The following EYA1 variants were observed in gnomAD, a reference collection of about 807,000 sequenced individuals.
EYA1 encodes the protein EYA transcriptional coactivator and phosphatase 1.
EYA1 carries 16 observed loss-of-function variants against 82.0 expected under a neutral mutation model. That is an observed-to-expected ratio of 0.20 (90% CI 0.13 to 0.30). The LOEUF is 0.30. EYA1 is among the 10% of genes least tolerant of loss of function. The pLI, the probability that EYA1 is intolerant of heterozygous loss-of-function variation, is 1.00. For synonymous variants in EYA1, 261 were observed against 264.4 expected (o/e 0.99, Z 0.12); for missense variants, 633 against 730.7 (o/e 0.87, Z 1.54).
At chr8:71,325,183 T>A (rs1268041268) in intron 4 of EYA1, among the ~76,000 whole-genome samples, 1 of 152,200 alleles carries the variant, frequency 6.6e-6, no homozygotes, top group Non-Finnish European at 1.5e-5. Context: ...ATCCATGGCA[T>A]GTACTTTTAT....
At chr8:71,235,084 C>G (rs1047495277) in intron 12 of EYA1, among the ~76,000 whole-genome samples, 1 of 152,186 alleles carries the variant, frequency 6.6e-6, no homozygotes, top group Non-Finnish European at 1.5e-5. Flanking sequence ...TGACTTCTCA[C>G]CACATCCAGA....
chr8:71,238,058 A>G (rs888034988), intron 12 of EYA1, among the ~76,000 whole-genome samples: 10 of 152,168 alleles, frequency 6.6e-5, no homozygotes, highest in Admixed American at 6.5e-4. Context: ...TTATTTCCAA[A>G]TGGCCATCTG....
chr8:71,421,265 T>A (rs1403051763), intron 2 of EYA1, among the ~76,000 whole-genome samples: 1 of 152,130 alleles, frequency 6.6e-6, no homozygotes, highest in Non-Finnish European at 1.5e-5. Context: ...CCCTGAAACT[T>A]AGATGAATGT....
intron 12 of EYA1, among the ~76,000 whole-genome samples, chr8:71,228,862 C>G (rs1810867252): frequency 6.6e-6 from 1 of 152,152 alleles, no homozygotes; most frequent in Non-Finnish European, 1.5e-5. Context: ...GTACTAGATT[C>G]TTGTAAAGCC....
At chr8:71,429,245 G>A (rs1172436404) in intron 2 of EYA1, among the ~76,000 whole-genome samples, 2 of 152,120 alleles carry the variant, frequency 1.3e-5, no homozygotes, top group Non-Finnish European at 2.9e-5. Flanking sequence ...ATATTTTACA[G>A]ATTTATAGTG....
chr8:71,203,680 A>C (rs1807367295), intron 17 of EYA1, among the ~76,000 whole-genome samples: 1 of 152,182 alleles, frequency 6.6e-6, no homozygotes, highest in African/African-American at 2.4e-5. Flanking sequence ...TGTAAATGGA[A>C]GGAGCGAGAG....
At chr8:71,539,542 T>C (rs1814984947) in intron 1 of EYA1, among the ~76,000 whole-genome samples, 1 of 152,158 alleles carries the variant, frequency 6.6e-6, no homozygotes, top group African/African-American at 2.4e-5. Context: ...ACAGGAGTGA[T>C]GGCCACATTT....
At chr8:71,319,223 C>G (rs1822259056) in intron 6 of EYA1, among the ~76,000 whole-genome samples, 1 of 152,122 alleles carries the variant, frequency 6.6e-6, no homozygotes, top group Non-Finnish European at 1.5e-5. Context: ...CTCCACCTCC[C>G]AGGTTCATGC....
intron 7 of EYA1, among the ~76,000 whole-genome samples, chr8:71,314,576 C>T (rs1821702053): frequency 1.3e-5 from 2 of 151,998 alleles, no homozygotes; most frequent in Admixed American, 1.3e-4. Context: ...ATTCCTAACC[C>T]AAAAATCTGA....
Position 71,281,051 on chromosome 8 carries a change from C to G in EYA1, c.827-9154G>C, listed in dbSNP as rs556835808. ...GGATTATAGGCATGAGCCACCATGC[C>G]CAGTGAAAAACTCCATTAAAAAGGT... is the stretch of plus-strand genomic sequence containing the variant. On this transcript the variant is annotated intron_variant, in intron 9 of 17. Transcript: ENST00000340726. Among the ~76,000 whole-genome samples the G allele has an allele frequency of 7.9e-5, 12 of 152,232 alleles. No individual in the cohort carries two copies. The Middle Eastern group carries it at 0.014, about 173-fold the overall frequency.
intron 3 of EYA1, among the ~76,000 whole-genome samples, chr8:71,352,060 T>A (rs1017516774): frequency 2.6e-5 from 4 of 151,994 alleles, no homozygotes; most frequent in Non-Finnish European, 5.9e-5. Flanking sequence ...CATTGTAGAG[T>A]TAGGGGAGGT....
At chr8:71,371,467 C>G (rs1828076521) in intron 2 of EYA1, among the ~76,000 whole-genome samples, 1 of 152,054 alleles carries the variant, frequency 6.6e-6, no homozygotes, top group African/African-American at 2.4e-5. Flanking sequence ...TGGGGACCTC[C>G]TAAGGCGAGA....
At chr8:71,463,343 T>C (rs1808509391) in intron 2 of EYA1, among the ~76,000 whole-genome samples, 1 of 152,224 alleles carries the variant, frequency 6.6e-6, no homozygotes, top group African/African-American at 2.4e-5. Flanking sequence ...CCAATGTGTC[T>C]ATAGACAATA....
At chr8:71,256,537 G>T (rs1176547638) in intron 11 of EYA1, among the ~76,000 whole-genome samples, 1 of 152,102 alleles carries the variant, frequency 6.6e-6, no homozygotes. Context: ...GCCAGGAATT[G>T]GGGGGAGGGG....
intron 11 of EYA1, among the ~76,000 whole-genome samples, chr8:71,249,970 C>T (rs1052474543): frequency 6.6e-6 from 1 of 152,114 alleles, no homozygotes; most frequent in African/African-American, 2.4e-5. Context: ...TCAATTTCAA[C>T]ACTCTGTCAC....
chr8:71,360,387 A>G (rs900548218), intron 1 of EYA1, among the ~76,000 whole-genome samples: 3 of 152,190 alleles, frequency 2.0e-5, no homozygotes, highest in Admixed American at 6.5e-5. Flanking sequence ...TCTTAATACG[A>G]TTTTCACAAA....
At chr8:71,342,771 C>T (rs996883523) in intron 3 of EYA1, among the ~76,000 whole-genome samples, 16 of 152,108 alleles carry the variant, frequency 1.1e-4, no homozygotes, top group Non-Finnish European at 1.5e-5. Flanking sequence ...TCTCCAACTA[C>T]TGAGGAAGTG....
chr8:71,393,067 T>C (rs536153950), intron 2 of EYA1, among the ~76,000 whole-genome samples: 42 of 152,266 alleles, frequency 2.8e-4, no homozygotes, highest in Non-Finnish European at 4.4e-4. Flanking sequence ...CAAAAATGCC[T>C]ATCAAAAGCT....
At chr8:71,395,358 C>A (rs576023368) in intron 2 of EYA1, among the ~76,000 whole-genome samples, 23 of 152,268 alleles carry the variant, frequency 1.5e-4, no homozygotes, top group East Asian at 1.2e-3. Context: ...GAGGGCATCC[C>A]TGTCTTGTGC....
Sources: gnomAD v4.1 joint callset for allele counts (sites outside exome capture counted in the v4.1 genomes callset) on GRCh38, gnomAD v4.1.1 for gene constraint, MANE v1.5 for transcripts, NCBI Gene and HGNC (gene_info 2026-07-23, HGNC 2026-07-21) for gene names.